GRIK4: variants seen among roughly 807,000 people sequenced by gnomAD.
GRIK4 encodes the protein glutamate receptor ionotropic, kainate 4.
In GRIK4, 40 loss-of-function variants were observed where a neutral mutation model predicts 104.9. The ratio of observed to expected loss-of-function variants is 0.38; its 90% CI spans 0.30 to 0.50. GRIK4 has a LOEUF of 0.50. Ranked by LOEUF, GRIK4 falls within the 20% of genes least tolerant of loss-of-function variation. GRIK4 has a pLI of 0.93. For missense variants in GRIK4, 1,047 were observed against 1,308.1 expected (o/e 0.80, Z 3.08); for synonymous variants, 485 against 524.9 (o/e 0.92, Z 1.04).
At chr11:120,545,179 C>A (rs1373889706) in intron 1 of GRIK4, among the ~76,000 whole-genome samples, 1 of 152,088 alleles carries the variant, frequency 6.6e-6, no homozygotes, top group Non-Finnish European at 1.5e-5. Context: ...CAGCTTTGAG[C>A]CCTTTTGTGC....
chr11:120,751,715 G>C (rs1176244097), intron 3 of GRIK4, among the ~76,000 whole-genome samples: 1 of 152,202 alleles, frequency 6.6e-6, no homozygotes, highest in Non-Finnish European at 1.5e-5. Flanking sequence ...TAGACCTTCT[G>C]TGCTGACTTG....
rs974303500 is a variant in GRIK4, at chr11:120,952,416, C to A, written c.1591-439C>A. Among the ~76,000 whole-genome samples the A allele has an allele frequency of 6.6e-6, 1 of 152,184 alleles. No homozygotes were observed. Among genetic ancestry groups the A allele is most frequent in the Non-Finnish European group, 1.5e-5 (1 of 68,028 alleles). The stretch of plus-strand genomic sequence containing the variant: ...ACCCTGCAAACAAAACCCAGAGACT[C>A]CGGTTGTATTAGCATCCTGGTGAAA... On this transcript the variant is annotated intron_variant, in intron 14 of 20. Transcript: ENST00000527524. The surrounding 1 kb of genome is among the most constrained non-coding windows in gnomAD (Gnocchi z 5.2).
intron 11 of GRIK4, among the ~76,000 whole-genome samples, chr11:120,883,144 G>A (rs1439021305): frequency 2.0e-5 from 3 of 152,290 alleles, no homozygotes; most frequent in East Asian, 1.9e-4. Flanking sequence ...AATACGGAGC[G>A]AACGAGGGAC....
At chr11:120,857,437 T>C (rs1249735794) in intron 8 of GRIK4, among the ~76,000 whole-genome samples, 4 of 152,090 alleles carry the variant, frequency 2.6e-5, no homozygotes, top group Non-Finnish European at 4.4e-5. Flanking sequence ...GACCTTCAAC[T>C]ATAGCTATTT....
At chr11:120,739,406 A>G (rs1327857914) in intron 3 of GRIK4, among the ~76,000 whole-genome samples, 1 of 152,164 alleles carries the variant, frequency 6.6e-6, no homozygotes, top group Non-Finnish European at 1.5e-5. Context: ...CTCAAGAGAC[A>G]TTCCCACAGG....
chr11:120,924,129 G>A (rs1318545977), intron 13 of GRIK4, among the ~76,000 whole-genome samples: 1 of 152,184 alleles, frequency 6.6e-6, no homozygotes, highest in East Asian at 1.9e-4. Flanking sequence ...TGTGCCAGAC[G>A]AGGAATCTAG....
In GRIK4 at chr11:120,707,881, A is replaced by G. The variant is rs567467063; in HGVS notation, c.82+47481A>G. On this transcript the variant is annotated intron_variant, in intron 3 of 20. Transcript: ENST00000527524. ...CACGCTACTTGAGCTTCCTCACAAC[A>G]TGGTAGCTGAGTTCTAAGACTGAGC... is the stretch of plus-strand genomic sequence containing the variant. Among the ~76,000 whole-genome samples the G allele has an allele frequency of 3.9e-5, 6 of 152,316 alleles. No individual in the cohort carries two copies. In the East Asian group the frequency reaches 1.2e-3, roughly 29 times the overall value.
Position 120,784,505 on chromosome 11 carries a change from C to T in GRIK4, c.83-18188C>T, listed in dbSNP as rs77189257. ...TCCCTTGGTACTTGCCAGTTTTGAT[C>T]GGAGGCCACAGGGTCCTGTGTTGTA... On this transcript the variant is annotated intron_variant, in intron 3 of 20. Transcript: ENST00000527524. Among the ~76,000 whole-genome samples the T allele has an allele frequency of 1.5e-3, 232 of 152,198 alleles. 2 individuals are homozygous for T. Among genetic ancestry groups the T allele is most frequent in the Admixed American group, 7.4e-3 (113 of 15,288 alleles).
chr11:120,751,466 G>C (rs978045766), intron 3 of GRIK4, among the ~76,000 whole-genome samples: 1 of 152,198 alleles, frequency 6.6e-6, no homozygotes, highest in Admixed American at 6.5e-5. Flanking sequence ...GGCCGATAAG[G>C]CTGCCAAGCA....
chr11:120,612,075 G>A lies in GRIK4; in HGVS notation c.-158-41610G>A, dbSNP rs4936531. On this transcript the variant is annotated intron_variant, in intron 1 of 20. Coordinates refer to ENST00000527524, the MANE Select transcript of GRIK4 (RefSeq NM_014619.5). ...CTAGTAATTCCATCTTTTCTGTACC[G>A]CTCCTGTAATACTTAATTCATTCTT... 3.3e-4 allele frequency among the ~76,000 whole-genome samples: 50 copies of A among 152,156 alleles called. 2 individuals are homozygous for A. In the South Asian group the frequency reaches 9.4e-3, roughly 28 times the overall value.
chr11:120,608,083 AG>A (rs766867447), intron 1 of GRIK4, among the ~76,000 whole-genome samples: 25 of 152,340 alleles, frequency 1.6e-4, no homozygotes, highest in Non-Finnish European at 3.2e-4. Context: ...CCAGAGAGGC[AG>A]CTGTACGAGG....
At chr11:120,585,826 G>A (rs1412172258) in intron 1 of GRIK4, among the ~76,000 whole-genome samples, 1 of 151,738 alleles carries the variant, frequency 6.6e-6, no homozygotes, top group Admixed American at 6.6e-5. Flanking sequence ...TTGACAAGGT[G>A]TGATTTTGGA....
At chr11:120,809,018 G>T (rs1014591155) in intron 4 of GRIK4, among the ~76,000 whole-genome samples, 2 of 152,124 alleles carry the variant, frequency 1.3e-5, no homozygotes, top group African/African-American at 4.8e-5. Context: ...CTTCCTGGAG[G>T]GGGGCTACAG....
intron 17 of GRIK4, 106 bp from the exon 18 acceptor site, chr11:120,962,350 G>C: frequency 1.5e-6 from 1 of 688,950 alleles, no homozygotes; most frequent in Non-Finnish European, 2.5e-6. Context: ...AGCGGGTGGA[G>C]AAGCAGAAGG....
At chr11:120,793,012 C>A (rs1013454069) in intron 3 of GRIK4, among the ~76,000 whole-genome samples, 28 of 152,140 alleles carry the variant, frequency 1.8e-4, no homozygotes, top group Non-Finnish European at 2.6e-4. Flanking sequence ...AGAGTAGTTT[C>A]ATGGAAGCCA....
chr11:120,700,264 C>CCTTTTTTTT (rs1565302848), intron 3 of GRIK4, among the ~76,000 whole-genome samples: 1 of 118,246 alleles, frequency 8.5e-6, no homozygotes, highest in Non-Finnish European at 1.7e-5. Context: ...TATATTACTA[C>CCTTTTTTTT]TTTTTTTTTT....
rs1182593841 is a variant in GRIK4 at position 120,776,873 on chromosome 11, AAG to A, written c.83-25812_83-25811del. ...GCCGGCTCTCCGCAGAGCAAGAGAC[AAG>A]AGAGAGAAGAGTCCCCTTACATAGA... is the stretch of plus-strand genomic sequence containing the variant. On this transcript the variant is annotated intron_variant, in intron 3 of 20. Coordinates refer to ENST00000527524, the MANE Select transcript of GRIK4 (RefSeq NM_014619.5). Among the ~76,000 whole-genome samples, 3 of 151,316 alleles carry A rather than the reference AAG, an allele frequency of 2.0e-5. No individual in the cohort carries two copies. The South Asian group carries it at 6.2e-4, about 31-fold the overall frequency.
chr11:120,878,095 G>A (rs1954867026), intron 11 of GRIK4, among the ~76,000 whole-genome samples: 1 of 152,174 alleles, frequency 6.6e-6, no homozygotes, highest in Admixed American at 6.5e-5. Flanking sequence ...CAGCCCCCAG[G>A]GCTCATCCTT....
chr11:120,878,641 G>A (rs991561858), intron 11 of GRIK4, among the ~76,000 whole-genome samples: 1 of 130,586 alleles, frequency 7.7e-6, no homozygotes, highest in Non-Finnish European at 1.5e-5. Flanking sequence ...AACAAATCTA[G>A]TGAGTGTCCT....
Sources: gnomAD v4.1 joint callset for allele counts (sites outside exome capture counted in the v4.1 genomes callset) on GRCh38, gnomAD v4.1.1 for gene constraint, Gnocchi (gnomAD v3.1) non-coding constraint, MANE v1.5 for transcripts, NCBI Gene and HGNC (gene_info 2026-07-23, HGNC 2026-07-21) for gene names.